The following XRN2 variants were observed in gnomAD, a reference collection of about 807,000 sequenced individuals.
The protein encoded by XRN2 is 5'-3' exoribonuclease 2.
XRN2 carries 44 observed loss-of-function variants against 138.5 expected under a neutral mutation model. The observed-to-expected ratio is 0.32, with a 90% CI of 0.25 to 0.41. XRN2 has a LOEUF of 0.41. Among genes scored for constraint, XRN2 ranks in the 10% least tolerant of loss-of-function variants. The pLI is 1.00. For synonymous variants in XRN2, 354 were observed against 369.4 expected, an observed-to-expected ratio of 0.96 and a Z score of 0.48; for missense variants, 937 against 1,169.3, an observed-to-expected ratio of 0.80 and a Z score of 2.90.
At chr20:21,363,816 G>A (rs4815040) in intron 24 of XRN2, among the ~76,000 whole-genome samples, 131,364 of 152,302 alleles carry the variant, frequency 0.86, 56,998 homozygotes, top group East Asian at 0.98. Flanking sequence ...TGAAAAATAT[G>A]TTAAAGGAAA....
intron 3 of XRN2, 116 bp from the exon 4 acceptor site, chr20:21,328,443 T>G: frequency 2.0e-6 from 2 of 990,344 alleles, no homozygotes; most frequent in Non-Finnish European, 3.0e-6. Context: ...GACACATTAC[T>G]TACCTTTCTT....
chr20:21,319,559 T>C (rs769876074), intron 1 of XRN2, among the ~76,000 whole-genome samples: 9 of 152,130 alleles, frequency 5.9e-5, no homozygotes, highest in Non-Finnish European at 1.3e-4. Flanking sequence ...AATTCATTAG[T>C]AATTTTTTCC....
Position 21,330,706 on chromosome 20 carries a change from G to T in XRN2, c.576+1G>T, listed in dbSNP as rs781183018. 6.2e-7 allele frequency: 1 copy of T among 1,610,956 alleles called. No homozygotes were observed. Among genetic ancestry groups the T allele is most frequent in the Non-Finnish European group, 8.5e-7 (1 of 1,178,984 alleles). ...TGACCCTGGGTGGAAAAATTTGACA[G>T]TAAGTTTCACATTTTGATACTTCAG... is the stretch of plus-strand genomic sequence containing the variant. On this transcript the variant is annotated splice_donor_variant, in intron 6 of 29. Coordinates refer to ENST00000377191, the MANE Select transcript of XRN2 (RefSeq NM_012255.5). LOFTEE classifies it high-confidence loss of function.
chr20:21,352,925 T>C (rs927135562), intron 20 of XRN2, among the ~76,000 whole-genome samples: 2 of 151,914 alleles, frequency 1.3e-5, no homozygotes, highest in African/African-American at 4.8e-5. Flanking sequence ...CAGAAAACAG[T>C]AGCTGCTATT....
intron 27 of XRN2, among the ~76,000 whole-genome samples, chr20:21,370,814 T>C (rs1463432574): frequency 6.6e-6 from 1 of 152,232 alleles, no homozygotes; most frequent in Non-Finnish European, 1.5e-5. Context: ...CCATTTAATG[T>C]TATTTTTGAG....
At chr20:21,363,970 C>T (rs947880300) in intron 24 of XRN2, among the ~76,000 whole-genome samples, 3 of 152,066 alleles carry the variant, frequency 2.0e-5, no homozygotes, top group South Asian at 2.1e-4. Context: ...CTCACTCTGT[C>T]GCCCAGGCTG....
chr20:21,327,853 A>G (rs977753299), intron 3 of XRN2, among the ~76,000 whole-genome samples: 1 of 152,204 alleles, frequency 6.6e-6, no homozygotes, highest in African/African-American at 2.4e-5. Context: ...GATATTTCAC[A>G]GTTTCTTCCC....
intron 9 of XRN2, among the ~76,000 whole-genome samples, chr20:21,333,202 C>T (rs1454826976): frequency 6.6e-6 from 1 of 152,106 alleles, no homozygotes; most frequent in African/African-American, 2.4e-5. Flanking sequence ...AACTTCAATC[C>T]TCCAGGTTTG....
intron 4 of XRN2, among the ~76,000 whole-genome samples, 182 bp from the exon 5 acceptor site, chr20:21,330,299 T>C (rs2038189254): frequency 6.6e-6 from 1 of 152,010 alleles, no homozygotes; most frequent in Non-Finnish European, 1.5e-5. Context: ...ATAATAATAA[T>C]AATAATTTAA....
chr20:21,349,827 A>G (rs2038483899), intron 20 of XRN2, among the ~76,000 whole-genome samples: 1 of 152,210 alleles, frequency 6.6e-6, no homozygotes, highest in Admixed American at 6.5e-5. Flanking sequence ...TCTCCATCCA[A>G]CCTGGGATTA....
intron 24 of XRN2, among the ~76,000 whole-genome samples, chr20:21,365,102 T>A (rs1223899230): frequency 6.6e-6 from 1 of 152,226 alleles, no homozygotes; most frequent in Non-Finnish European, 1.5e-5. Flanking sequence ...TATTTTATTT[T>A]TATTTTTTGT....
At chr20:21,334,017 T>C in intron 12 of XRN2, 23 bp downstream of exon 12, 1 of 1,614,052 alleles carries the variant, frequency 6.2e-7, no homozygotes, top group East Asian at 2.2e-5. Context: ...TTGAATGATT[T>C]CAAAACAGAA....
intron 27 of XRN2, among the ~76,000 whole-genome samples, chr20:21,373,263 C>G (rs2038782711): frequency 6.6e-6 from 1 of 152,222 alleles, no homozygotes; most frequent in Admixed American, 6.5e-5. Flanking sequence ...CCGCCTCGTT[C>G]TCACAAAGCG....
At chr20:21,365,798 C>T (rs1363447178) in intron 26 of XRN2, 94 bp downstream of exon 26, 2 of 395,154 alleles carry the variant, frequency 5.1e-6, no homozygotes, top group South Asian at 5.5e-5. Context: ...TAAATTTATG[C>T]CATATATATA....
chr20:21,303,809 G>A (rs1600663665), intron 1 of XRN2: 2 of 1,081,726 alleles, frequency 1.8e-6, no homozygotes, highest in African/African-American at 1.7e-5. Flanking sequence ...TTGGGTCTCG[G>A]AAGAGGTTCA....
chr20:21,337,052 C>T (rs987146246), intron 13 of XRN2, among the ~76,000 whole-genome samples: 4 of 152,166 alleles, frequency 2.6e-5, no homozygotes, highest in Admixed American at 6.5e-5. Flanking sequence ...AGAAAGAAGA[C>T]GGAGGGCCCA....
At chr20:21,330,284 A>AAATAAT (rs548935877) in intron 4 of XRN2, among the ~76,000 whole-genome samples, 197 bp from the exon 5 acceptor site, 1 of 151,862 alleles carries the variant, frequency 6.6e-6, no homozygotes, top group East Asian at 1.9e-4. Context: ...ACTCTGTCTC[A>AAATAAT]AATAATAATA....
chr20:21,357,851 A>G, intron 24 of XRN2, 59 bp downstream of exon 24: 5 of 1,405,206 alleles, frequency 3.6e-6, no homozygotes, highest in Non-Finnish European at 4.9e-6. Flanking sequence ...TTGCAAATCC[A>G]TTTTAAAAGA....
At chr20:21,338,506 G>A (rs756057440) in intron 13 of XRN2, among the ~76,000 whole-genome samples, 11 of 152,054 alleles carry the variant, frequency 7.2e-5, no homozygotes, top group Non-Finnish European at 1.5e-4. Context: ...GCCAGGGTGA[G>A]GGATAATGTT....
Sources: allele counts gnomAD v4.1 joint callset (sites outside exome capture counted in the v4.1 genomes callset), GRCh38; gene constraint gnomAD v4.1.1; transcripts MANE v1.5; gene names NCBI Gene and HGNC (gene_info 2026-07-23, HGNC 2026-07-21).